SNAP91: variants seen among roughly 807,000 people sequenced by gnomAD.
SNAP91 encodes the protein clathrin coat assembly protein AP180.
A neutral mutation model predicts 100.3 loss-of-function variants in SNAP91; 27 were observed. That is an observed-to-expected ratio of 0.27 (90% CI 0.20 to 0.37). SNAP91 has a LOEUF of 0.37. SNAP91 is among the 10% of genes least tolerant of loss of function. The probability of loss-of-function intolerance (pLI) is 1.00; values close to 1 mark genes in which losing one functional copy is unlikely to be tolerated. For synonymous variants in SNAP91, 404 were observed against 398.6 expected, an observed-to-expected ratio of 1.01 and a Z score of -0.16; for missense variants, 986 against 1,123.7, an observed-to-expected ratio of 0.88 and a Z score of 1.75.
At chr6:83,626,653 A>C (rs1275712284) in intron 8 of SNAP91, among the ~76,000 whole-genome samples, 13 of 151,906 alleles carry the variant, frequency 8.6e-5, no homozygotes, top group Non-Finnish European at 8.8e-5. Context: ...TCTGGTTCTC[A>C]GATTGGAAGT....
chr6:83,614,437 T>A (rs181291718), intron 11 of SNAP91, among the ~76,000 whole-genome samples: 1 of 152,232 alleles, frequency 6.6e-6, no homozygotes, highest in East Asian at 1.9e-4. Context: ...ATATACTTGG[T>A]TTGGAGGTTA....
At chr6:83,568,867 G>C (rs2127996896) in intron 26 of SNAP91, among the ~76,000 whole-genome samples, 1 of 152,300 alleles carries the variant, frequency 6.6e-6, no homozygotes, top group East Asian at 1.9e-4. Context: ...CTGCTTTGCT[G>C]CTTCTGAAGC....
intron 11 of SNAP91, 149 bp downstream of exon 11, chr6:83,614,708 A>G: frequency 1.8e-6 from 1 of 547,528 alleles, no homozygotes. Flanking sequence ...TTGGGAGACA[A>G]AAATAAAGCA....
chr6:83,581,011 T>C (rs191146281), intron 23 of SNAP91, among the ~76,000 whole-genome samples: 33 of 152,372 alleles, frequency 2.2e-4, no homozygotes, highest in African/African-American at 7.5e-4. Flanking sequence ...ATGGGTTTAT[T>C]ATAATGCTTG....
chr6:83,583,923 A>T (rs1441870767), intron 22 of SNAP91, among the ~76,000 whole-genome samples: 3 of 152,136 alleles, frequency 2.0e-5, no homozygotes, highest in Non-Finnish European at 4.4e-5. Flanking sequence ...TTTGGAAAAA[A>T]GTTTTTTATT....
At chr6:83,592,631 T>C (rs2093927215) in intron 20 of SNAP91, 93 bp from the exon 21 acceptor site, 1 of 1,012,814 alleles carries the variant, frequency 9.9e-7, no homozygotes, top group Non-Finnish European at 1.5e-6. Flanking sequence ...ATTTCATGGT[T>C]CACTCCAGGC....
chr6:83,627,331 C>T (rs2096977157), intron 8 of SNAP91, among the ~76,000 whole-genome samples: 1 of 151,808 alleles, frequency 6.6e-6, no homozygotes, highest in African/African-American at 2.4e-5. Flanking sequence ...TGTGCCTTTG[C>T]CAGATTTTAG....
chr6:83,590,231 CT>C (rs1404817049), intron 22 of SNAP91, among the ~76,000 whole-genome samples: 1 of 152,108 alleles, frequency 6.6e-6, no homozygotes, highest in African/African-American at 2.4e-5. Context: ...CCAACAATGT[CT>C]TGTGAGTTTG....
chr6:83,580,619 G>T lies in SNAP91; in HGVS notation c.2150-20C>A. On this transcript the variant is annotated intron_variant, in intron 23 of 29. Transcript: ENST00000369694. The stretch of plus-strand genomic sequence containing the variant: ...CAAACACTGGAAATCAAATAGACTA[G>T]GTTCAGAATAATTGAAAACAAAAAA... 1.3e-6 allele frequency: 2 copies of T among 1,571,200 alleles called. No homozygotes were observed. The highest frequency in any genetic ancestry group is 1.7e-6 in the Non-Finnish European group (2 of 1,159,976).
At chr6:83,583,852 C>T (rs891307997) in intron 22 of SNAP91, among the ~76,000 whole-genome samples, 2 of 152,026 alleles carry the variant, frequency 1.3e-5, no homozygotes, top group Non-Finnish European at 2.9e-5. Flanking sequence ...TTATGTTATT[C>T]CTAGAAATTG....
chr6:83,603,505 T>C (rs1489530075), intron 14 of SNAP91, among the ~76,000 whole-genome samples: 1 of 152,138 alleles, frequency 6.6e-6, no homozygotes, highest in Non-Finnish European at 1.5e-5. Context: ...GCTACATGCA[T>C]GAGCCACTGC....
chr6:83,686,441 C>T (rs564097522), intron 2 of SNAP91, among the ~76,000 whole-genome samples: 13 of 152,140 alleles, frequency 8.5e-5, no homozygotes, highest in Non-Finnish European at 1.9e-4. Context: ...CAAATTTAAA[C>T]ATTAAGGAAG....
At chr6:83,601,148 C>T in intron 16 of SNAP91, 123 bp downstream of exon 16, 1 of 763,008 alleles carries the variant, frequency 1.3e-6, no homozygotes. Context: ...CATGAATAAA[C>T]ATTGAAAAAG....
chr6:83,641,200 T>C lies in SNAP91; in HGVS notation c.661A>G (p.Lys221Glu). ...YNDGVINLLE[K>E]FFEMKKGQCK... ...TGTCCTTTCTTCATTTCAAAAAACTTTTCTAGAGAAGATAAAGAGATAAGC... is the reference window on the plus strand; with the variant it reads ...TGTCCTTTCTTCATTTCAAAAAACTCTTCTAGAGAAGATAAAGAGATAAGC... Residue 221 changes from lysine to glutamate, a missense_variant and splice_region_variant, in exon 8 of 30, where the codon AAG becomes GAG. By Grantham distance (56) the Lys-to-Glu change is moderately conservative (BLOSUM62 1). Coordinates refer to ENST00000369694, the MANE Select transcript of SNAP91 (RefSeq NM_001242792.2). 1 of 1,394,020 alleles carries C rather than the reference T, an allele frequency of 7.2e-7. No individual in the cohort carries two copies. The highest frequency in any genetic ancestry group is 9.6e-7 in the Non-Finnish European group (1 of 1,038,068). 86.4% of individuals were successfully genotyped at this position (1,394,020 alleles called of 1,614,324 possible).
intron 2 of SNAP91, among the ~76,000 whole-genome samples, chr6:83,685,432 T>C (rs1240944695): frequency 1.3e-5 from 2 of 152,166 alleles, no homozygotes; most frequent in African/African-American, 2.4e-5. Flanking sequence ...ATCCATCCCA[T>C]TGTCATTAAA....
intron 6 of SNAP91, 116 bp downstream of exon 6, chr6:83,658,883 T>C (rs1181587796): frequency 9.5e-6 from 7 of 740,134 alleles, no homozygotes; most frequent in South Asian, 7.4e-5. Flanking sequence ...TAAGTATTCA[T>C]CTAAATGAAG....
intron 9 of SNAP91, among the ~76,000 whole-genome samples, chr6:83,617,542 GAATAT>G (rs2096548774): frequency 6.6e-6 from 1 of 151,510 alleles, no homozygotes; most frequent in South Asian, 2.1e-4. Flanking sequence ...GTGGGGAAAA[GAATAT>G]AATTCTAATA....
intron 2 of SNAP91, among the ~76,000 whole-genome samples, chr6:83,702,077 C>G (rs1183582291): frequency 6.6e-6 from 1 of 152,162 alleles, no homozygotes; most frequent in East Asian, 1.9e-4. Context: ...AGCCAACATT[C>G]CCCTTCATAA....
intron 2 of SNAP91, among the ~76,000 whole-genome samples, chr6:83,689,359 GTTT>G (rs2099103240): frequency 6.6e-6 from 1 of 152,036 alleles, no homozygotes; most frequent in Admixed American, 6.5e-5. Flanking sequence ...TAAAAATTCT[GTTT>G]TTGTTTTCAT....
Sources: allele counts gnomAD v4.1 joint callset (sites outside exome capture counted in the v4.1 genomes callset), GRCh38; gene constraint gnomAD v4.1.1; transcripts MANE v1.5; gene names NCBI Gene and HGNC (gene_info 2026-07-23, HGNC 2026-07-21).